Variants in SGPL1 observed in about 807,000 individuals in gnomAD.
SGPL1 encodes the protein SP-lyase 1.
SGPL1 carries 37 observed loss-of-function variants against 68.9 expected under a neutral mutation model. The ratio of observed to expected loss-of-function variants is 0.54; its 90% confidence interval spans 0.41 to 0.71. The LOEUF is 0.71. Ranked by LOEUF, SGPL1 falls within the 30% of genes least tolerant of loss-of-function variation. The pLI is 0.00. For synonymous variants in SGPL1, 236 were observed against 248.5 expected, an observed-to-expected ratio of 0.95 and a Z score of 0.47; for missense variants, 551 against 704.6, an observed-to-expected ratio of 0.78 and a Z score of 2.47.
intron 6 of SGPL1, among the ~76,000 whole-genome samples, chr10:70,858,778 C>T (rs1436070129): frequency 1.3e-5 from 2 of 152,178 alleles, no homozygotes; most frequent in African/African-American, 2.4e-5. Context: ...CATGCTTTTA[C>T]GTTGTTTTCC....
intron 6 of SGPL1, among the ~76,000 whole-genome samples, chr10:70,858,433 C>T (rs1447917118): frequency 6.6e-6 from 1 of 152,154 alleles, no homozygotes; most frequent in African/African-American, 2.4e-5. Flanking sequence ...CCACTGCACT[C>T]GGCCCTCATA....
chr10:70,868,287 A>G (rs1589473368), intron 7 of SGPL1, 58 bp from the exon 8 acceptor site: 7 of 1,204,874 alleles, frequency 5.8e-6, no homozygotes, highest in Non-Finnish European at 8.4e-6. Context: ...AGATCAGGGC[A>G]TGAAGAGCCG....
chr10:70,838,502 G>A lies in SGPL1; in HGVS notation c.28-5971G>A, dbSNP rs867298531. ...AGTAACTCATGACTAGATATCCTGG[G>A]CTTATTACTTCAGCTCATATTCCTG... On this transcript the variant is annotated intron_variant, in intron 2 of 14. Transcript: ENST00000373202. Among the ~76,000 whole-genome samples the A allele has an allele frequency of 1.2e-4, 19 of 152,290 alleles. No individual in the cohort carries two copies. In the South Asian group the frequency reaches 2.5e-3, roughly 20 times the overall value.
At chr10:70,856,582 C>T (rs566085750) in intron 5 of SGPL1, among the ~76,000 whole-genome samples, 1 of 152,204 alleles carries the variant, frequency 6.6e-6, no homozygotes, top group African/African-American at 2.4e-5. Context: ...TGGTCTGAAG[C>T]TGTGTATAGT....
intron 6 of SGPL1, among the ~76,000 whole-genome samples, chr10:70,859,068 T>G (rs892086576): frequency 1.3e-5 from 2 of 152,292 alleles, no homozygotes; most frequent in African/African-American, 4.8e-5. Context: ...CAACCTTAGA[T>G]TATGTGACCT....
intron 8 of SGPL1, among the ~76,000 whole-genome samples, chr10:70,868,673 GTATATAC>G (rs1846238405): frequency 6.9e-6 from 1 of 144,298 alleles, no homozygotes; most frequent in Non-Finnish European, 1.5e-5. Flanking sequence ...ATCATGCATA[GTATATAC>G]TACAAGCAAA....
chr10:70,818,223 C>T lies in SGPL1; in HGVS notation c.27+1343C>T, dbSNP rs535476847. Among the ~76,000 whole-genome samples, 15 of 152,232 alleles carry T rather than the reference C, an allele frequency of 9.9e-5. No homozygotes were observed. In the South Asian group the frequency reaches 2.5e-3, roughly 25 times the overall value. ...GCAACCTTTGCCTCCCGGGTTCAAG[C>T]GATTCTCCTGCCTCAGCCTCCCGGG... On this transcript the variant is annotated intron_variant, in intron 2 of 14. Coordinates refer to ENST00000373202, the MANE Select transcript of SGPL1 (RefSeq NM_003901.4).
intron 2 of SGPL1, among the ~76,000 whole-genome samples, chr10:70,842,288 G>A (rs1281724770): frequency 6.6e-6 from 1 of 152,136 alleles, no homozygotes; most frequent in African/African-American, 2.4e-5. Flanking sequence ...AAGTGAGATT[G>A]CTAGGTCAAA....
At position 70,819,670 on chromosome 10, in the gene SGPL1, G is replaced by C. The variant is rs535412591; in HGVS notation, c.27+2790G>C. 1.3e-4 allele frequency among the ~76,000 whole-genome samples: 18 copies of C among 137,358 alleles called. 1 individual carries two copies. In the South Asian group the frequency reaches 4.2e-3, roughly 32 times the overall value. The allele number at this position is 137,358 out of a possible 152,430, so 90.1% of individuals were successfully genotyped here. ...TTTTGAGACAAGGTCTCACTCTGAT[G>C]CCCAGGCTGGAGTGCAGTGGCATGA... On this transcript the variant is annotated intron_variant, in intron 2 of 14. Transcript: ENST00000373202.
At chr10:70,840,259 A>T (rs1845693984) in intron 2 of SGPL1, among the ~76,000 whole-genome samples, 2 of 152,200 alleles carry the variant, frequency 1.3e-5, no homozygotes, top group South Asian at 4.2e-4. Context: ...GCATGTCTGT[A>T]TGAGCGTAGT....
chr10:70,830,602 T>C (rs1260278175), intron 2 of SGPL1, among the ~76,000 whole-genome samples: 1 of 152,234 alleles, frequency 6.6e-6, no homozygotes, highest in African/African-American at 2.4e-5. Flanking sequence ...ACACAGGATC[T>C]TGGGCTTACT....
intron 4 of SGPL1, among the ~76,000 whole-genome samples, chr10:70,853,436 C>T (rs1455396071): frequency 4.6e-5 from 7 of 152,216 alleles, no homozygotes; most frequent in Admixed American, 4.6e-4. Flanking sequence ...CTCCCCAAAC[C>T]TACTACCCAA....
chr10:70,865,255 A>G (rs1337482048), intron 7 of SGPL1, among the ~76,000 whole-genome samples: 10 of 147,716 alleles, frequency 6.8e-5, no homozygotes. Context: ...TATTGCCTAG[A>G]TTATCTCTCT....
intron 7 of SGPL1, 126 bp from the exon 8 acceptor site, chr10:70,868,219 G>C: frequency 1.5e-6 from 1 of 682,876 alleles, no homozygotes; most frequent in Admixed American, 2.8e-5. Flanking sequence ...AGACATGGCA[G>C]TGTCTGCCTT....
Position 70,846,042 on chromosome 10 carries a change from C to T in SGPL1, c.193+1404C>T, listed in dbSNP as rs570985377. Among the ~76,000 whole-genome samples, 4 of 152,314 alleles carry T rather than the reference C, an allele frequency of 2.6e-5. No individual in the cohort carries two copies. In the South Asian group the frequency reaches 8.3e-4, roughly 32 times the overall value. On this transcript the variant is annotated intron_variant, in intron 3 of 14. Coordinates refer to ENST00000373202, the MANE Select transcript of SGPL1 (RefSeq NM_003901.4). ...TATGGCGCAGTAAACATTGCAAAAC[C>T]TGACAACCAAGAAGCAAGTTCCAAC...
In SGPL1 at chr10:70,816,708, A is replaced by G. The variant is rs192975260; in HGVS notation, c.-43-103A>G. 272 of 803,998 alleles carry G rather than the reference A, an allele frequency of 3.4e-4. No homozygotes were observed. In the African/African-American group the frequency reaches 4.0e-3, roughly 12 times the overall value. 49.8% of individuals were successfully genotyped at this position (803,998 alleles called of 1,614,324 possible). On this transcript the variant is annotated intron_variant, in intron 1 of 14. Transcript: ENST00000373202. Reference sequence around the variant, plus strand: ...ATCTGGGAATGAAATCTGAGCCTTCAAAGGAGGGAGAGAACCATAACTTGG... The same window carrying G: ...ATCTGGGAATGAAATCTGAGCCTTCGAAGGAGGGAGAGAACCATAACTTGG...
intron 10 of SGPL1, among the ~76,000 whole-genome samples, chr10:70,871,628 C>T (rs1846298807): frequency 1.3e-5 from 2 of 152,038 alleles, no homozygotes; most frequent in Admixed American, 6.6e-5. Context: ...AAAATTGATA[C>T]CATATTTCAG....
rs1316165870 is a variant in SGPL1, at chr10:70,878,398, A to G, written c.*1063A>G. ...TTTTTCTTGTTACCATGGACTAGGA[A>G]GAAAACATGGTTTCCAAATAATCTG... On this transcript the variant is annotated 3_prime_UTR_variant, in exon 15 of 15. Transcript: ENST00000373202. 6.6e-6 allele frequency: 1 copy of G among 152,254 alleles called. No individual in the cohort carries two copies. Among genetic ancestry groups the G allele is most frequent in the Non-Finnish European group, 1.5e-5 (1 of 68,064 alleles). The allele number at this position is 152,254 out of a possible 1,614,324, so 9.4% of individuals were successfully genotyped here. A position where few individuals can be genotyped will look rare whatever the true frequency, so the allele number is the denominator to read the frequency against.
chr10:70,862,906 C>T (rs1195393165), intron 7 of SGPL1, among the ~76,000 whole-genome samples: 1 of 152,232 alleles, frequency 6.6e-6, no homozygotes, highest in African/African-American at 2.4e-5. Context: ...ATTCCGGACA[C>T]AGTAGAAGCC....
Sources: gnomAD v4.1 joint callset for allele counts (sites outside exome capture counted in the v4.1 genomes callset) on GRCh38, gnomAD v4.1.1 for gene constraint, MANE v1.5 for transcripts, NCBI Gene and HGNC (gene_info 2026-07-23, HGNC 2026-07-21) for gene names.